ADAMTSL1: variants seen among roughly 807,000 people sequenced by gnomAD.
The protein encoded by ADAMTSL1 is ADAMTS-like protein 1.
Under a neutral mutation model 201.8 loss-of-function variants are expected in ADAMTSL1, and 126 were observed. That is an observed-to-expected ratio of 0.62 (90% CI 0.54 to 0.72). The LOEUF is 0.72. Ranked by LOEUF, ADAMTSL1 falls within the 30% of genes least tolerant of loss-of-function variation. The pLI is 0.00. For missense variants in ADAMTSL1, 2,679 were observed against 2,277.8 expected (o/e 1.18, Z -3.59); for synonymous variants, 1,121 against 903.4 (o/e 1.24, Z -4.32).
chr9:18,860,430 A>T (rs987455767), intron 23 of ADAMTSL1, among the ~76,000 whole-genome samples: 6 of 152,168 alleles, frequency 3.9e-5, no homozygotes, highest in African/African-American at 1.4e-4. Flanking sequence ...GCTGATCTCA[A>T]GTTACAATGG....
At chr9:18,183,459 G>T (rs1828590103) in intron 2 of ADAMTSL1, among the ~76,000 whole-genome samples, 2 of 152,168 alleles carry the variant, frequency 1.3e-5, no homozygotes, top group South Asian at 4.1e-4. Flanking sequence ...CTGGGAGAAA[G>T]TATTTGCAGA....
intron 2 of ADAMTSL1, among the ~76,000 whole-genome samples, chr9:18,249,023 G>C (rs1481592967): frequency 6.6e-6 from 1 of 152,084 alleles, no homozygotes; most frequent in Admixed American, 6.5e-5. Context: ...TGGATTGAGC[G>C]ACGATAGACT....
chr9:18,376,295 G>C (rs550384115), intron 2 of ADAMTSL1, among the ~76,000 whole-genome samples: 1 of 152,078 alleles, frequency 6.6e-6, no homozygotes, highest in Non-Finnish European at 1.5e-5. Context: ...GATAAGATAT[G>C]TACACAGATA....
intron 4 of ADAMTSL1, among the ~76,000 whole-genome samples, chr9:18,617,014 A>T (rs376122462): frequency 2.6e-5 from 4 of 152,314 alleles, no homozygotes; most frequent in Middle Eastern, 3.4e-3. Flanking sequence ...AAGAACAGCT[A>T]TGGTCAGATT....
chr9:18,907,518 G>A (rs1212422169), intron 28 of ADAMTSL1: 1 of 152,256 alleles, frequency 6.6e-6, no homozygotes. Flanking sequence ...TTCTTCCTCT[G>A]AACCCAAATC....
intron 3 of ADAMTSL1, among the ~76,000 whole-genome samples, chr9:18,560,580 G>T (rs1165385681): frequency 6.6e-6 from 1 of 152,028 alleles, no homozygotes; most frequent in Non-Finnish European, 1.5e-5. Flanking sequence ...GTTTCAGAAG[G>T]AATGGTACCA....
chr9:18,055,598 CAA>C (rs1377676129), intron 1 of ADAMTSL1, among the ~76,000 whole-genome samples: 1 of 152,220 alleles, frequency 6.6e-6, no homozygotes, highest in African/African-American at 2.4e-5. Flanking sequence ...TAAAATTCCA[CAA>C]AGTCTTTCAA....
intron 1 of ADAMTSL1, among the ~76,000 whole-genome samples, chr9:18,068,200 C>G (rs1822795675): frequency 6.6e-6 from 1 of 152,074 alleles, no homozygotes; most frequent in South Asian, 2.1e-4. Flanking sequence ...GCAGCTCTTC[C>G]CATCAGTGAG....
intron 1 of ADAMTSL1, among the ~76,000 whole-genome samples, chr9:18,015,076 T>G (rs1235718051): frequency 6.6e-6 from 1 of 152,080 alleles, no homozygotes; most frequent in Non-Finnish European, 1.5e-5. Flanking sequence ...CTAAATCTTA[T>G]TTTGTTAAAT....
chr9:18,686,004 C>T (rs1830808823), intron 13 of ADAMTSL1, among the ~76,000 whole-genome samples: 1 of 151,940 alleles, frequency 6.6e-6, no homozygotes, highest in Non-Finnish European at 1.5e-5. Flanking sequence ...CTGCAGCTTT[C>T]ACCTGCCAGG....
At chr9:17,939,344 T>C (rs1827139156) in intron 1 of ADAMTSL1, among the ~76,000 whole-genome samples, 1 of 152,092 alleles carries the variant, frequency 6.6e-6, no homozygotes, top group Non-Finnish European at 1.5e-5. Flanking sequence ...TCCAGTTGGA[T>C]TTTTTTGTTC....
rs572778087 is a variant in ADAMTSL1 at position 18,865,068 on chromosome 9, C to T, written c.4250-22763C>T. On this transcript the variant is annotated intron_variant, in intron 23 of 28. Coordinates refer to ENST00000380548, the MANE Select transcript of ADAMTSL1 (RefSeq NM_001040272.6). Reference sequence around the variant, plus strand: ...TCTTTTTTTAATTATACTTGAAGTTCTAGGGTACATGTGCACAACGTGCAG... The same window carrying T: ...TCTTTTTTTAATTATACTTGAAGTTTTAGGGTACATGTGCACAACGTGCAG... Among the ~76,000 whole-genome samples, 8 of 151,874 alleles carry T rather than the reference C, an allele frequency of 5.3e-5. No homozygotes were observed. In the South Asian group the frequency reaches 1.5e-3, roughly 28 times the overall value.
chr9:18,001,488 G>A (rs1819610051), intron 1 of ADAMTSL1, among the ~76,000 whole-genome samples: 1 of 152,010 alleles, frequency 6.6e-6, no homozygotes, highest in African/African-American at 2.4e-5. Flanking sequence ...AAATAAAATT[G>A]AAATAGAAAG....
intron 16 of ADAMTSL1, among the ~76,000 whole-genome samples, chr9:18,762,018 G>C (rs1039586464): frequency 1.3e-5 from 2 of 152,254 alleles, no homozygotes; most frequent in African/African-American, 4.8e-5. Flanking sequence ...CAGCCCATCA[G>C]CTGGATGCCT....
chr9:17,923,079 C>T (rs968762324), intron 1 of ADAMTSL1, among the ~76,000 whole-genome samples: 4 of 152,176 alleles, frequency 2.6e-5, no homozygotes, highest in African/African-American at 9.7e-5. Flanking sequence ...TTGTGTGATT[C>T]CTCCAGCTTT....
intron 23 of ADAMTSL1, among the ~76,000 whole-genome samples, chr9:18,872,694 T>G (rs1827935389): frequency 6.6e-6 from 1 of 152,198 alleles, no homozygotes; most frequent in Admixed American, 6.5e-5. Context: ...TGAGTAGTAT[T>G]CCATGGTATA....
At chr9:18,644,197 C>T (rs894879329) in intron 7 of ADAMTSL1, among the ~76,000 whole-genome samples, 5 of 151,582 alleles carry the variant, frequency 3.3e-5, no homozygotes, top group African/African-American at 4.8e-5. Context: ...TATAGAAATG[C>T]TATTGATGTT....
At chr9:18,776,480 AC>A (rs1821000551) in intron 18 of ADAMTSL1, among the ~76,000 whole-genome samples, 1 of 152,190 alleles carries the variant, frequency 6.6e-6, no homozygotes, top group Non-Finnish European at 1.5e-5. Flanking sequence ...TCTAGGAGCA[AC>A]AAGGCCCAGC....
chr9:18,709,129 CA>C (rs1364193249), intron 14 of ADAMTSL1, among the ~76,000 whole-genome samples: 4 of 152,270 alleles, frequency 2.6e-5, no homozygotes, highest in African/African-American at 9.6e-5. Flanking sequence ...TCAGTTATGT[CA>C]CTGTGCCAAG....
Sources: allele counts gnomAD v4.1 joint callset (sites outside exome capture counted in the v4.1 genomes callset), GRCh38; gene constraint gnomAD v4.1.1; transcripts MANE v1.5; gene names NCBI Gene and HGNC (gene_info 2026-07-23, HGNC 2026-07-21).